The following LMCD1 variants were observed in gnomAD, a reference collection of about 807,000 sequenced individuals.
LMCD1 encodes the protein LIM and cysteine rich domains 1, also known as LIM and cysteine-rich domains protein 1.
LMCD1 carries 32 observed loss-of-function variants against 42.7 expected under a neutral mutation model. The ratio of observed to expected loss-of-function variants is 0.75; its 90% CI spans 0.57 to 1.01. LMCD1 has a LOEUF of 1.01. Ranked by LOEUF, LMCD1 falls within the 50% of genes least tolerant of loss-of-function variation. The probability of loss-of-function intolerance (pLI) is 0.00; values close to 1 mark genes in which losing one functional copy is unlikely to be tolerated. For missense variants in LMCD1, 458 were observed against 483.1 expected (o/e 0.95, Z 0.49); for synonymous variants, 178 against 184.9 (o/e 0.96, Z 0.30).
chr3:8,546,580 T>G (rs2125030696), intron 3 of LMCD1, among the ~76,000 whole-genome samples: 1 of 152,346 alleles, frequency 6.6e-6, no homozygotes. Context: ...CCTTTGCTCT[T>G]GCTACTATGG....
chr3:8,511,270 T>G (rs989314424), intron 1 of LMCD1, among the ~76,000 whole-genome samples: 1 of 152,210 alleles, frequency 6.6e-6, no homozygotes, highest in Non-Finnish European at 1.5e-5. Context: ...ACACATTACT[T>G]TGTTGAAACT....
intron 3 of LMCD1, 28 bp from the exon 4 acceptor site, chr3:8,548,540 G>A: frequency 2.0e-6 from 3 of 1,527,324 alleles, no homozygotes; most frequent in Non-Finnish European, 2.7e-6. Context: ...TCCACATCAT[G>A]TTGTCTCTTC....
chr3:8,549,371 G>A (rs553549415), intron 4 of LMCD1, among the ~76,000 whole-genome samples: 4 of 152,286 alleles, frequency 2.6e-5, no homozygotes, highest in African/African-American at 9.6e-5. Context: ...TTGAAAGTGT[G>A]GCATGCTTGG....
At chr3:8,513,224 C>T (rs1220306322) in intron 1 of LMCD1, among the ~76,000 whole-genome samples, 1 of 152,158 alleles carries the variant, frequency 6.6e-6, no homozygotes, top group Non-Finnish European at 1.5e-5. Flanking sequence ...CTAAGTCCTA[C>T]ATATTGGTCA....
Position 8,502,312 on chromosome 3 carries a change from A to ATATATATTATATAAAATATAT in LMCD1, c.42+332_42+333insTATATATTATATAAAATATAT, listed in dbSNP as rs1559342085. 3.5e-3 allele frequency among the ~76,000 whole-genome samples: 68 copies of ATATATATTATATAAAATATAT among 19,584 alleles called. 9 individuals are homozygous for ATATATATTATATAAAATATAT. Among genetic ancestry groups the ATATATATTATATAAAATATAT allele is most frequent in the Middle Eastern group, 0.029 (1 of 34 alleles). The allele number at this position is 19,584 out of a possible 152,430, so 12.8% of individuals were successfully genotyped here. A position where few individuals can be genotyped will look rare whatever the true frequency, so the allele number is the denominator to read the frequency against. On this transcript the variant is annotated intron_variant, in intron 1 of 5. Transcript: ENST00000157600. ...TAATATATATTATATATAATATATA[A>ATATATATTATATAAAATATAT]AATATATATTATATATAATATATAT...
At chr3:8,533,986 CCTT>C (rs1052310211) in intron 2 of LMCD1, among the ~76,000 whole-genome samples, 13 of 151,740 alleles carry the variant, frequency 8.6e-5, no homozygotes, top group African/African-American at 2.4e-4. Flanking sequence ...TTCAAAAACT[CCTT>C]CTATAATTTA....
At chr3:8,513,917 A>G (rs1235121291) in intron 1 of LMCD1, among the ~76,000 whole-genome samples, 1 of 152,152 alleles carries the variant, frequency 6.6e-6, no homozygotes, top group Non-Finnish European at 1.5e-5. Context: ...GTATTTATAT[A>G]TACTGATCCC....
intron 3 of LMCD1, 107 bp downstream of exon 3, chr3:8,537,547 C>T (rs1002144486): frequency 2.4e-6 from 3 of 1,255,332 alleles, no homozygotes; most frequent in Non-Finnish European, 3.3e-6. Flanking sequence ...CTCAAGGTCA[C>T]AAAAATGACA....
chr3:8,551,248 T>C (rs1971884), intron 4 of LMCD1: 101,510 of 984,626 alleles, frequency 0.1, 5,739 homozygotes, highest in South Asian at 0.22. Flanking sequence ...TACATAGCCA[T>C]TGCTCAATAA....
At chr3:8,530,600 C>G (rs755400220) in intron 1 of LMCD1, among the ~76,000 whole-genome samples, 1 of 152,234 alleles carries the variant, frequency 6.6e-6, no homozygotes, top group Non-Finnish European at 1.5e-5. Context: ...ACCTACCTCT[C>G]CGGTTTCCAG....
At chr3:8,511,621 T>C (rs1694002512) in intron 1 of LMCD1, among the ~76,000 whole-genome samples, 1 of 152,226 alleles carries the variant, frequency 6.6e-6, no homozygotes, top group Non-Finnish European at 1.5e-5. Flanking sequence ...GATCAGGCCA[T>C]AGTCCAGTTT....
At chr3:8,512,001 G>T (rs1367532791) in intron 1 of LMCD1, among the ~76,000 whole-genome samples, 1 of 152,164 alleles carries the variant, frequency 6.6e-6, no homozygotes, top group Non-Finnish European at 1.5e-5. Context: ...CAATATATAT[G>T]GAAAGAAAGG....
In LMCD1 at chr3:8,532,726, TC is replaced by T; in HGVS notation, c.43-9del. 1 of 1,613,206 alleles carries T rather than the reference TC, an allele frequency of 6.2e-7. No individual in the cohort carries two copies. The highest frequency in any genetic ancestry group is 2.2e-5 in the East Asian group (1 of 44,870). ...GGAAGGAAAACACCCTCTTTTCTGTTCCTTTTCCAGATGTCCCTGGGCCAGC... is the reference window on the plus strand; with the variant it reads ...GGAAGGAAAACACCCTCTTTTCTGTTCTTTTCCAGATGTCCCTGGGCCAGC... On this transcript the variant is annotated splice_polypyrimidine_tract_variant and intron_variant, in intron 1 of 5. Coordinates refer to ENST00000157600, the MANE Select transcript of LMCD1 (RefSeq NM_014583.4).
At chr3:8,502,120 G>C (rs1435027347) in intron 1 of LMCD1, 140 bp downstream of exon 1, 1 of 703,070 alleles carries the variant, frequency 1.4e-6, no homozygotes, top group Non-Finnish European at 2.3e-6. Context: ...AAATAGTTGG[G>C]AATACATGTT....
At chr3:8,513,445 A>G (rs1694039333) in intron 1 of LMCD1, among the ~76,000 whole-genome samples, 1 of 152,108 alleles carries the variant, frequency 6.6e-6, no homozygotes, top group Non-Finnish European at 1.5e-5. Context: ...GCCACCAGCT[A>G]TCCTGTTTCT....
intron 1 of LMCD1, among the ~76,000 whole-genome samples, chr3:8,524,672 G>A (rs1055875140): frequency 2.2e-5 from 3 of 139,492 alleles, no homozygotes; most frequent in Admixed American, 1.4e-4. Context: ...ATAACTTGAT[G>A]GATTTGTGAT....
At chr3:8,566,793 G>C (rs149072617) in intron 5 of LMCD1, among the ~76,000 whole-genome samples, 2 of 152,228 alleles carry the variant, frequency 1.3e-5, no homozygotes, top group African/African-American at 4.8e-5. Context: ...ATATGTAGTT[G>C]GTCATTTGGC....
chr3:8,530,490 A>G (rs1694391953), intron 1 of LMCD1, among the ~76,000 whole-genome samples: 1 of 152,250 alleles, frequency 6.6e-6, no homozygotes, highest in Non-Finnish European at 1.5e-5. Context: ...GCCAAGCATC[A>G]GAACTAATCC....
intron 1 of LMCD1, among the ~76,000 whole-genome samples, chr3:8,503,925 T>C (rs1350994193): frequency 6.6e-6 from 1 of 152,188 alleles, no homozygotes; most frequent in African/African-American, 2.4e-5. Flanking sequence ...TGTTGCCACT[T>C]GGAGGAAGCC....
Sources: allele counts gnomAD v4.1 joint callset (sites outside exome capture counted in the v4.1 genomes callset), GRCh38; gene constraint gnomAD v4.1.1; transcripts MANE v1.5; gene names NCBI Gene and HGNC (gene_info 2026-07-23, HGNC 2026-07-21).